The following SLIT3 variants were observed in gnomAD, a reference collection of about 807,000 sequenced individuals.
SLIT3 encodes the protein slit guidance ligand 3.
Under a neutral mutation model 184.0 loss-of-function variants are expected in SLIT3, and 68 were observed. The ratio of observed to expected loss-of-function variants is 0.37; its 90% confidence interval spans 0.30 to 0.45. The LOEUF (loss-of-function observed/expected upper bound fraction) is 0.45. SLIT3 is among the 20% of genes least tolerant of loss of function. The pLI, the probability that SLIT3 is intolerant of heterozygous loss-of-function variation, is 1.00. For synonymous variants in SLIT3, 831 were observed against 828.6 expected (o/e 1.00, Z -0.05); for missense variants, 1,707 against 2,026.0 (o/e 0.84, Z 3.02).
rs536179081 is a variant in SLIT3 at position 169,271,203 on chromosome 5, G to A, written c.198-19744C>T. On this transcript the variant is annotated intron_variant, in intron 1 of 35. Coordinates refer to ENST00000519560, the MANE Select transcript of SLIT3 (RefSeq NM_003062.4). ...ACAAGCATTCCAGATGGAGGCAGCA[G>A]GTCCTGTGTATTTTTATTGCCATGT... Among the ~76,000 whole-genome samples the A allele has an allele frequency of 2.0e-5, 3 of 152,284 alleles. No homozygotes were observed. The South Asian group carries it at 6.2e-4, about 32-fold the overall frequency.
chr5:169,134,870 T>C (rs951434944), intron 4 of SLIT3, among the ~76,000 whole-genome samples: 2 of 152,216 alleles, frequency 1.3e-5, no homozygotes, highest in Non-Finnish European at 2.9e-5. Flanking sequence ...TGTAGGTTTT[T>C]GTTATGTTTT....
intron 23 of SLIT3, chr5:168,712,799 C>A (rs1286151509): frequency 1.9e-5 from 3 of 161,522 alleles, no homozygotes; most frequent in African/African-American, 4.8e-5. Flanking sequence ...TTGTCGCTTA[C>A]CAGCTGTGTG....
At position 169,200,642 on chromosome 5, in the gene SLIT3, A is replaced by T. The variant is rs1763880991; in HGVS notation, c.342-7092T>A. 2.0e-5 allele frequency among the ~76,000 whole-genome samples: 3 copies of T among 152,288 alleles called. No homozygotes were observed. The South Asian group carries it at 6.2e-4, about 32-fold the overall frequency. ...CATCATCAACTATGAAGATGTACAG[A>T]TGTCACTATAAATCGGGGGCAAAAA... On this transcript the variant is annotated intron_variant, in intron 3 of 35. Transcript: ENST00000519560.
chr5:168,945,795 C>T (rs774861384), intron 4 of SLIT3, among the ~76,000 whole-genome samples: 2 of 152,228 alleles, frequency 1.3e-5, no homozygotes, highest in Non-Finnish European at 2.9e-5. Context: ...AGGCAGCCAG[C>T]GTCTTAGGGA....
chr5:169,003,448 G>A (rs1755793335), intron 4 of SLIT3, among the ~76,000 whole-genome samples: 2 of 152,152 alleles, frequency 1.3e-5, no homozygotes, highest in African/African-American at 4.8e-5. Context: ...CGTCTCCTCC[G>A]ATACCCTAGT....
intron 1 of SLIT3, among the ~76,000 whole-genome samples, chr5:169,254,811 T>C (rs1765893322): frequency 6.6e-6 from 1 of 152,188 alleles, no homozygotes; most frequent in Non-Finnish European, 1.5e-5. Context: ...TCAGGCACAT[T>C]AGGTGCAGAT....
intron 4 of SLIT3, among the ~76,000 whole-genome samples, chr5:169,125,742 G>C (rs1021216241): frequency 6.6e-6 from 1 of 152,220 alleles, no homozygotes; most frequent in Non-Finnish European, 1.5e-5. Flanking sequence ...GGGAGGAAAA[G>C]AACGTGACTG....
At chr5:168,829,885 C>A (rs1406090684) in intron 6 of SLIT3, among the ~76,000 whole-genome samples, 1 of 152,176 alleles carries the variant, frequency 6.6e-6, no homozygotes, top group Non-Finnish European at 1.5e-5. Context: ...GCTGGCCATC[C>A]CTCTTGCTTG....
Position 169,045,428 on chromosome 5 carries a change from G to GAA in SLIT3, c.413+148049_413+148050dup, listed in dbSNP as rs5873145. ...CTTCTTCCAAGTGTAGTCCATGCAG[G>GAA]AAAAAAAAAAAAAAAAAGAACTGAG... On this transcript the variant is annotated intron_variant, in intron 4 of 35. Coordinates refer to ENST00000519560, the MANE Select transcript of SLIT3 (RefSeq NM_003062.4). 3.1e-3 allele frequency among the ~76,000 whole-genome samples: 388 copies of GAA among 123,786 alleles called. 2 individuals are homozygous for GAA. Among genetic ancestry groups the GAA allele is most frequent in the African/African-American group, 9.3e-3 (318 of 34,062 alleles). 81.2% of individuals were successfully genotyped at this position (123,786 alleles called of 152,430 possible). A position where few individuals can be genotyped will look rare whatever the true frequency, so the allele number is the denominator to read the frequency against.
intron 20 of SLIT3, among the ~76,000 whole-genome samples, chr5:168,741,562 G>GGGAAA (rs1763640912): frequency 6.6e-6 from 1 of 151,794 alleles, no homozygotes; most frequent in Non-Finnish European, 1.5e-5. Flanking sequence ...ACTCTGGAGG[G>GGGAAA]GGAAAGAAAA....
chr5:169,231,686 C>G (rs957610498), intron 3 of SLIT3, among the ~76,000 whole-genome samples: 8 of 152,054 alleles, frequency 5.3e-5, no homozygotes, highest in Non-Finnish European at 8.8e-5. Flanking sequence ...CTGTGTATGT[C>G]TTTTTGTAGG....
At chr5:169,187,885 T>G (rs1204691371) in intron 4 of SLIT3, among the ~76,000 whole-genome samples, 1 of 144,808 alleles carries the variant, frequency 6.9e-6, no homozygotes, top group Non-Finnish European at 1.5e-5. Flanking sequence ...AAAAAAAAAG[T>G]TGTGAACCCA....
chr5:169,145,878 T>C (rs1323001834), intron 4 of SLIT3, among the ~76,000 whole-genome samples: 1 of 152,102 alleles, frequency 6.6e-6, no homozygotes, highest in East Asian at 1.9e-4. Context: ...TGAAACCCCA[T>C]CTCTACTAAA....
intron 4 of SLIT3, among the ~76,000 whole-genome samples, chr5:168,891,680 T>C (rs779668350): frequency 2.4e-4 from 36 of 152,114 alleles, no homozygotes; most frequent in Non-Finnish European, 4.1e-4. Flanking sequence ...AGGGGAGCAT[T>C]CTGACCAAAG....
chr5:169,065,016 T>C (rs1230067955), intron 4 of SLIT3, among the ~76,000 whole-genome samples: 2 of 152,168 alleles, frequency 1.3e-5, no homozygotes, highest in Non-Finnish European at 2.9e-5. Flanking sequence ...ACTTTGCCTT[T>C]GAGGAAGGTA....
rs543989978 is a variant in SLIT3, at chr5:169,106,177, C to T, written c.413+87302G>A. ...TGTTTACCTGTGTAACAAACCTGCA[C>T]ATCCTGCACCTGAACCCGGGAACTT... On this transcript the variant is annotated intron_variant, in intron 4 of 35. Transcript: ENST00000519560. 7.0e-4 allele frequency among the ~76,000 whole-genome samples: 107 copies of T among 152,276 alleles called. No individual in the cohort carries two copies. In the South Asian group the frequency reaches 0.022, roughly 31 times the overall value.
chr5:168,693,319 AAAGT>A (rs1286133670), intron 28 of SLIT3, among the ~76,000 whole-genome samples: 1 of 152,226 alleles, frequency 6.6e-6, no homozygotes, highest in Non-Finnish European at 1.5e-5. Flanking sequence ...CTGTTACAGA[AAAGT>A]AAGCCCCTTG....
intron 32 of SLIT3, among the ~76,000 whole-genome samples, chr5:168,681,613 C>G (rs1383001434): frequency 6.6e-6 from 1 of 152,226 alleles, no homozygotes; most frequent in East Asian, 1.9e-4. Flanking sequence ...CCTGCTCAAA[C>G]TCAGGGCTCC....
chr5:169,048,487 A>G (rs1188861090), intron 4 of SLIT3, among the ~76,000 whole-genome samples: 1 of 152,224 alleles, frequency 6.6e-6, no homozygotes, highest in African/African-American at 2.4e-5. Context: ...GTGACAGATC[A>G]GGTATGACAA....
Sources: gnomAD v4.1 joint callset for allele counts (sites outside exome capture counted in the v4.1 genomes callset) on GRCh38, gnomAD v4.1.1 for gene constraint, MANE v1.5 for transcripts, NCBI Gene and HGNC (gene_info 2026-07-23, HGNC 2026-07-21) for gene names.